Variants in GCN1 observed in about 807,000 individuals in gnomAD.
GCN1 encodes GCN1 activator of EIF2AK4, also known as stalled ribosome sensor GCN1.
Under a neutral mutation model 288.4 loss-of-function variants are expected in GCN1, and 90 were observed. That is an observed-to-expected ratio of 0.31 (90% CI 0.26 to 0.37). The LOEUF is 0.37. Ranked by LOEUF, GCN1 falls within the 10% of genes least tolerant of loss-of-function variation. The pLI is 1.00. For synonymous variants in GCN1, 1,386 were observed against 1,420.2 expected (o/e 0.98, Z 0.54); for missense variants, 2,586 against 3,419.9 (o/e 0.76, Z 6.08).
rs748532479 is a variant in GCN1 at position 120,164,612 on chromosome 12, G to C, written c.1688+34C>G. ...GTTCCTGCCAGCCTTTGCCTCATTT[G>C]GCCCAAAAGAAAAGGTAAGCCAGCC... On this transcript the variant is annotated intron_variant, in intron 17 of 57. Transcript: ENST00000300648. 3.1e-6 allele frequency: 5 copies of C among 1,603,908 alleles called. No homozygotes were observed. In the African/African-American group the frequency reaches 4.0e-5, roughly 13 times the overall value.
intron 5 of GCN1, among the ~76,000 whole-genome samples, chr12:120,180,098 G>T (rs886508445): frequency 6.6e-6 from 1 of 151,014 alleles, no homozygotes; most frequent in Non-Finnish European, 1.5e-5. Context: ...CCTGAGGTCG[G>T]GAGTTCAAGA....
intron 31 of GCN1, among the ~76,000 whole-genome samples, chr12:120,154,295 T>C (rs1256807272): frequency 6.6e-6 from 1 of 152,212 alleles, no homozygotes; most frequent in South Asian, 2.1e-4. Flanking sequence ...TGTTACTCTT[T>C]CCAGTCATGG....
chr12:120,169,269 TCC>T (rs10604013), intron 15 of GCN1, among the ~76,000 whole-genome samples: 29,620 of 98,344 alleles, frequency 0.3, 3,846 homozygotes, highest in East Asian at 0.64. Flanking sequence ...AGAGCGAAAC[TCC>T]GTCTCAAAAA....
rs757661902 is a variant in GCN1, at chr12:120,162,028, C to T, written c.2194G>A (p.Val732Ile). ...GGGAGGACCCGGTCCGGCGACAGGA[C>T]GGAAAGGGAGCCCATGGCATTCATG... ...SSMNAMGSLS[V>I]LSPDRVLPQL... The change falls in exon 21 of 58, where the codon GTC (valine) becomes ATC (isoleucine). Residue 732 changes from valine to isoleucine, a missense_variant. Transcript: ENST00000300648. The T allele has an allele frequency of 4.7e-5, 76 of 1,613,160 alleles. No homozygotes were observed. Among genetic ancestry groups the T allele is most frequent in the Non-Finnish European group, 5.8e-5 (69 of 1,180,024 alleles).
chr12:120,152,320 C>T (rs983336079), intron 33 of GCN1, among the ~76,000 whole-genome samples: 23 of 150,918 alleles, frequency 1.5e-4, no homozygotes, highest in African/African-American at 3.7e-4. Flanking sequence ...TGAGCCACCA[C>T]GCCCAGCCCA....
rs575538295 is a variant in GCN1, at chr12:120,191,599, T to C, written c.19-1199A>G. Among the ~76,000 whole-genome samples, 4 of 152,358 alleles carry C rather than the reference T, an allele frequency of 2.6e-5. No individual in the cohort carries two copies. The East Asian group carries it at 7.7e-4, about 29-fold the overall frequency. ...ACAGAAATAAAATAATGCTGAGTTT[T>C]TCGTGCTTAAATCCCTGCCATAATT... On this transcript the variant is annotated intron_variant, in intron 1 of 57. Coordinates refer to ENST00000300648, the MANE Select transcript of GCN1 (RefSeq NM_006836.2).
chr12:120,149,793 C>T (rs1445043814), intron 35 of GCN1, 73 bp from the exon 36 acceptor site: 31 of 1,527,648 alleles, frequency 2.0e-5, no homozygotes, highest in South Asian at 1.1e-4. Context: ...CCAGTCCTAG[C>T]GTTCCTCCTA....
In GCN1 at chr12:120,158,730, C is replaced by G; in HGVS notation, c.2750-115G>C. 1 of 902,794 alleles carries G rather than the reference C, an allele frequency of 1.1e-6. No homozygotes were observed. The highest frequency in any genetic ancestry group is 1.6e-6 in the Non-Finnish European group (1 of 607,012). 55.9% of individuals were successfully genotyped at this position (902,794 alleles called of 1,614,324 possible). On this transcript the variant is annotated intron_variant, in intron 24 of 57. Transcript: ENST00000300648. This position sits in a 1 kb window ranked among gnomAD's most constrained non-coding sequence, Gnocchi z 4.3. ...CTTCTGACTTAAAAAAATATTTCTG[C>G]GGCTGGGCGCGGTGGCTGATGCCTG...
At chr12:120,161,792 A>C in intron 21 of GCN1, 88 bp downstream of exon 21, 1 of 1,304,290 alleles carries the variant, frequency 7.7e-7, no homozygotes, top group Non-Finnish European at 1.1e-6. Context: ...GTTGCATTCA[A>C]CTCACAGGAG....
chr12:120,131,551 C>T lies in GCN1; in HGVS notation c.7415-218G>A, dbSNP rs143139283. Among the ~76,000 whole-genome samples the T allele has an allele frequency of 2.7e-3, 407 of 152,340 alleles. 1 individual carries two copies. The highest frequency in any genetic ancestry group is 9.0e-3 in the African/African-American group (374 of 41,582). On this transcript the variant is annotated intron_variant, in intron 54 of 57. Coordinates refer to ENST00000300648, the MANE Select transcript of GCN1 (RefSeq NM_006836.2). ...AGGAAAGCCTGCTCATGAACCACTCCGGGCTTACAGCTGTGTTCTTTGAGC... is the reference window on the plus strand; with the variant it reads ...AGGAAAGCCTGCTCATGAACCACTCTGGGCTTACAGCTGTGTTCTTTGAGC...
intron 3 of GCN1, among the ~76,000 whole-genome samples, chr12:120,184,578 G>A (rs1381687320): frequency 2.0e-5 from 3 of 152,192 alleles, no homozygotes; most frequent in Non-Finnish European, 4.4e-5. Context: ...GCAGGCAACT[G>A]TTCCAGGCAC....
chr12:120,194,250 T>C (rs1879096930), intron 1 of GCN1, among the ~76,000 whole-genome samples: 1 of 152,254 alleles, frequency 6.6e-6, no homozygotes, highest in Admixed American at 6.5e-5. Context: ...CCCAGATCTG[T>C]ATGAATCCAA....
intron 45 of GCN1, among the ~76,000 whole-genome samples, chr12:120,139,686 TAATAATCAACAGCTTG>T (rs1877128618): frequency 6.6e-6 from 1 of 152,068 alleles, no homozygotes; most frequent in South Asian, 2.1e-4. Flanking sequence ...CACTGAGACT[TAATAATCAACAGCTTG>T]AATCTTTTAG....
At chr12:120,181,037 T>C (rs182600599) in intron 5 of GCN1, among the ~76,000 whole-genome samples, 7 of 151,700 alleles carry the variant, frequency 4.6e-5, no homozygotes, top group East Asian at 1.9e-4. Context: ...CAGATATGCT[T>C]GTGGAAAGCA....
chr12:120,176,164 C>T lies in GCN1; in HGVS notation c.892G>A (p.Asp298Asn). Residue 298 changes from aspartate (D) to asparagine (N), a missense_variant, in exon 10 of 58, where the codon GAC (aspartate) becomes AAC (asparagine). By Grantham distance (23) the Asp-to-Asn change is conservative. This residue lies in a region of GCN1 where 913 missense variants were observed against 1,107.0 expected (regional missense o/e 0.82). Coordinates refer to ENST00000300648, the MANE Select transcript of GCN1 (RefSeq NM_006836.2). ...TCACCAGCCAGTCCTTTCACGATGT[C>T]CATGGCATACTGGCTGAGGTCAAGC... Reference protein sequence around the residue: ...VTLDLSQYAMDIVKGLAGHLK... With the variant: ...VTLDLSQYAMNIVKGLAGHLK... 6.2e-7 allele frequency: 1 copy of T among 1,611,516 alleles called. No individual in the cohort carries two copies. Among genetic ancestry groups the T allele is most frequent in the Non-Finnish European group, 8.5e-7 (1 of 1,177,610 alleles).
In GCN1 at chr12:120,137,511, C is replaced by A. The variant is rs777262293; in HGVS notation, c.6663+34G>T. 2.0e-4 allele frequency: 314 copies of A among 1,604,056 alleles called. 1 individual carries two copies. In the East Asian group the frequency reaches 7.0e-3, roughly 36 times the overall value. On this transcript the variant is annotated intron_variant, in intron 49 of 57. Transcript: ENST00000300648. The surrounding 1 kb of genome is among the most constrained non-coding windows in gnomAD (Gnocchi z 5.2). ...GTAAATGTCTGGAATTTTCTAAAAGCAAAAGTTGGCTGTGGGGTCAGCAGT... is the reference window on the plus strand; with the variant it reads ...GTAAATGTCTGGAATTTTCTAAAAGAAAAAGTTGGCTGTGGGGTCAGCAGT...
chr12:120,134,243 G>GCAGAGTGGTCCAGTGCT lies in GCN1; in HGVS notation c.7317+47_7317+48insAGCACTGGACCACTCTG. 1 of 1,281,798 alleles carries GCAGAGTGGTCCAGTGCT rather than the reference G, an allele frequency of 7.8e-7. No individual in the cohort carries two copies. Among genetic ancestry groups the GCAGAGTGGTCCAGTGCT allele is most frequent in the Non-Finnish European group, 1.1e-6 (1 of 878,898 alleles). The allele number at this position is 1,281,798 out of a possible 1,614,324, so 79.4% of individuals were successfully genotyped here. On this transcript the variant is annotated intron_variant, in intron 53 of 57. Coordinates refer to ENST00000300648, the MANE Select transcript of GCN1 (RefSeq NM_006836.2). This position sits in a 1 kb window ranked among gnomAD's most constrained non-coding sequence, Gnocchi z 5.0. ...GAAGAACTCAACCTAAGGAGGAGGA[G>GCAGAGTGGTCCAGTGCT]GGAAACCAGTGGTCCAGTGCTGCCA...
chr12:120,162,676 T>G (rs1188447748), intron 20 of GCN1, among the ~76,000 whole-genome samples, 171 bp downstream of exon 20: 1 of 152,230 alleles, frequency 6.6e-6, no homozygotes, highest in Non-Finnish European at 1.5e-5. Context: ...AATGAGGCAG[T>G]AAGTTCCCTT....
chr12:120,145,442 G>T, intron 38 of GCN1, 112 bp from the exon 39 acceptor site: 1 of 747,878 alleles, frequency 1.3e-6, no homozygotes, highest in Non-Finnish European at 2.1e-6. Context: ...GCTTGGCAGG[G>T]GCACCTAGCA....
Sources: allele counts gnomAD v4.1 joint callset (sites outside exome capture counted in the v4.1 genomes callset), GRCh38; gene constraint gnomAD v4.1.1; regional missense constraint gnomAD v4.1.1; non-coding constraint Gnocchi (gnomAD v3.1); transcripts MANE v1.5; gene names NCBI Gene and HGNC (gene_info 2026-07-23, HGNC 2026-07-21).